The following FILIP1 variants were observed in gnomAD, a reference collection of about 807,000 sequenced individuals.
FILIP1 encodes the protein filamin A interacting protein 1.
Under a neutral mutation model 102.1 loss-of-function variants are expected in FILIP1, and 61 were observed. The observed-to-expected ratio is 0.60, with a 90% CI of 0.49 to 0.74. FILIP1 has a LOEUF of 0.74. FILIP1 is among the 30% of genes least tolerant of loss of function. FILIP1 has a pLI of 0.00. For missense variants in FILIP1, 1,314 were observed against 1,441.2 expected (o/e 0.91, Z 1.43); for synonymous variants, 491 against 526.9 (o/e 0.93, Z 0.93).
At chr6:75,475,189 A>T (rs1033227183) in intron 1 of FILIP1, among the ~76,000 whole-genome samples, 1 of 152,254 alleles carries the variant, frequency 6.6e-6, no homozygotes, top group Admixed American at 6.5e-5. Flanking sequence ...AAATTTTTCA[A>T]TAAAGCATAT....
At chr6:75,409,729 A>C (rs1380164572) in intron 2 of FILIP1, among the ~76,000 whole-genome samples, 1 of 151,972 alleles carries the variant, frequency 6.6e-6, no homozygotes, top group Non-Finnish European at 1.5e-5. Context: ...TATAGATAAC[A>C]CCACTATTGT....
chr6:75,341,669 T>C (rs970332526), intron 4 of FILIP1, among the ~76,000 whole-genome samples: 2 of 152,220 alleles, frequency 1.3e-5, no homozygotes, highest in African/African-American at 4.8e-5. Flanking sequence ...TAAAAACTAC[T>C]GATTTTTGCT....
chr6:75,359,660 C>G (rs142407352), intron 3 of FILIP1, among the ~76,000 whole-genome samples: 209 of 152,268 alleles, frequency 1.4e-3, no homozygotes, highest in African/African-American at 4.8e-3. Flanking sequence ...TACAACTCAG[C>G]TGAGCCTTCC....
chr6:75,443,513 C>T (rs1268043206), intron 1 of FILIP1, among the ~76,000 whole-genome samples: 8 of 152,112 alleles, frequency 5.3e-5, no homozygotes, highest in Admixed American at 5.2e-4. Flanking sequence ...CTTCACTTTT[C>T]TGTGTCTTAT....
intron 2 of FILIP1, among the ~76,000 whole-genome samples, chr6:75,381,100 T>C (rs1467062744): frequency 6.6e-6 from 1 of 152,184 alleles, no homozygotes; most frequent in East Asian, 1.9e-4. Context: ...CCATAAACCA[T>C]TGTCACATCT....
intron 4 of FILIP1, chr6:75,319,624 A>T: frequency 2.3e-6 from 1 of 428,122 alleles, no homozygotes; most frequent in East Asian, 5.5e-5. Flanking sequence ...AGGTCAGGAG[A>T]TCGAGACCAT....
intron 1 of FILIP1, among the ~76,000 whole-genome samples, chr6:75,490,581 A>G (rs1302736704): frequency 1.3e-5 from 2 of 152,114 alleles, no homozygotes; most frequent in Non-Finnish European, 2.9e-5. Flanking sequence ...TGGCACCAAA[A>G]GATAACAAAA....
chr6:75,294,173 A>C (rs568259213), exon 7 of FILIP1: 3 of 152,322 alleles, frequency 2.0e-5, no homozygotes, highest in African/African-American at 7.2e-5. Flanking sequence ...GTCCATCATT[A>C]ATTTTTCTAT....
intron 4 of FILIP1, among the ~76,000 whole-genome samples, chr6:75,328,548 CA>C: frequency 6.6e-6 from 1 of 152,166 alleles, no homozygotes; most frequent in East Asian, 1.9e-4. Flanking sequence ...GGCTGGAGTG[CA>C]GTGACATGAT....
At chr6:75,344,247 A>G (rs1215450055) in intron 4 of FILIP1, among the ~76,000 whole-genome samples, 1 of 152,076 alleles carries the variant, frequency 6.6e-6, no homozygotes, top group East Asian at 1.9e-4. Flanking sequence ...GAGGGTCTCA[A>G]TGGATTAGCT....
chr6:75,398,850 C>CTTTTCT (rs1776554348), intron 2 of FILIP1: 1 of 151,692 alleles, frequency 6.6e-6, no homozygotes, highest in Non-Finnish European at 1.5e-5. Context: ...CGAAATTTAT[C>CTTTTCT]TTTTTTTTAA....
At chr6:75,403,312 A>C (rs1201410348) in intron 2 of FILIP1, among the ~76,000 whole-genome samples, 1 of 152,016 alleles carries the variant, frequency 6.6e-6, no homozygotes, top group Non-Finnish European at 1.5e-5. Flanking sequence ...TCAGGAGTTC[A>C]AGACCAGCCT....
intron 4 of FILIP1, among the ~76,000 whole-genome samples, chr6:75,348,939 G>C (rs1774689129): frequency 6.6e-6 from 1 of 150,664 alleles, no homozygotes; most frequent in African/African-American, 2.4e-5. Context: ...TTGTGTCATA[G>C]TTTGGATATA....
At chr6:75,492,551 T>C (rs1779993759) in intron 1 of FILIP1, among the ~76,000 whole-genome samples, 1 of 152,140 alleles carries the variant, frequency 6.6e-6, no homozygotes, top group African/African-American at 2.4e-5. Flanking sequence ...ATATTCAACA[T>C]GAAATTGGTT....
chr6:75,346,456 T>C (rs904598823), intron 4 of FILIP1, among the ~76,000 whole-genome samples: 1 of 152,298 alleles, frequency 6.6e-6, no homozygotes, highest in African/African-American at 2.4e-5. Flanking sequence ...CATTTTTGTA[T>C]AGGTGGAATC....
chr6:75,459,572 A>C (rs914683477), intron 1 of FILIP1, among the ~76,000 whole-genome samples: 1 of 152,168 alleles, frequency 6.6e-6, no homozygotes, highest in Non-Finnish European at 1.5e-5. Context: ...TGCCATTTAC[A>C]TTGCCTTTAC....
chr6:75,491,136 T>A (rs1779944534), intron 1 of FILIP1, among the ~76,000 whole-genome samples: 2 of 152,226 alleles, frequency 1.3e-5, no homozygotes, highest in South Asian at 4.1e-4. Flanking sequence ...ATCCAGAATA[T>A]CATTGTGAAA....
chr6:75,332,517 C>G (rs910206051), intron 4 of FILIP1, among the ~76,000 whole-genome samples: 1 of 152,164 alleles, frequency 6.6e-6, no homozygotes, highest in African/African-American at 2.4e-5. Context: ...CTCAAAGAGG[C>G]CTTCCGTATC....
At chr6:75,306,477 C>T (rs1326307872), downstream of FILIP1, among the ~76,000 whole-genome samples, 2 of 152,124 alleles carry the variant, frequency 1.3e-5, no homozygotes, top group Non-Finnish European at 2.9e-5. Flanking sequence ...CGCTCAAATA[C>T]AATACGTTAT....
Sources: gnomAD v4.1 joint callset for allele counts (sites outside exome capture counted in the v4.1 genomes callset) on GRCh38, gnomAD v4.1.1 for gene constraint, MANE v1.5 for transcripts, NCBI Gene and HGNC (gene_info 2026-07-23, HGNC 2026-07-21) for gene names.